Variants in CYP4X1 observed in about 807,000 individuals in gnomAD.
The protein encoded by CYP4X1 is cytochrome P450 family 4 subfamily X member 1, also known as cytochrome P450 4X1.
CYP4X1 carries 44 observed loss-of-function variants against 57.9 expected under a neutral mutation model. That is an observed-to-expected ratio of 0.76 (90% CI 0.60 to 0.98). The LOEUF (loss-of-function observed/expected upper bound fraction) is 0.98, where lower values mean the gene tolerates loss of function less well. Among genes scored for constraint, CYP4X1 ranks in the 50% least tolerant of loss-of-function variants. The probability of loss-of-function intolerance (pLI) is 0.00; values close to 1 mark genes in which losing one functional copy is unlikely to be tolerated. For synonymous variants in CYP4X1, 227 were observed against 228.6 expected, an observed-to-expected ratio of 0.99 and a Z score of 0.06; for missense variants, 532 against 623.9, an observed-to-expected ratio of 0.85 and a Z score of 1.57.
chr1:47,006,870 C>T, the CYP4X1 span, among the ~76,000 whole-genome samples: 151 of 152,302 alleles, frequency 9.9e-4, 1 homozygote, highest in Non-Finnish European at 1.6e-3. Context: ...AAGGCGGCAG[C>T]GAGGCTGGGG....
chr1:47,041,748 T>G (rs72681988), intron 8 of CYP4X1, among the ~76,000 whole-genome samples: 386 of 149,620 alleles, frequency 2.6e-3, no homozygotes, highest in Non-Finnish European at 4.2e-3. Flanking sequence ...ACTATGTTGA[T>G]TGTTTCCTTT....
chr1:47,009,887 A>C, the CYP4X1 span, among the ~76,000 whole-genome samples: 16 of 152,328 alleles, frequency 1.1e-4, no homozygotes, highest in Admixed American at 4.6e-4. Flanking sequence ...TGAATAGACC[A>C]ATAACAGGCT....
At chr1:46,972,689 T>C in the CYP4X1 span, among the ~76,000 whole-genome samples, 1 of 152,266 alleles carries the variant, frequency 6.6e-6, no homozygotes, top group South Asian at 2.1e-4. Context: ...TTTATTCTTT[T>C]TGTGGCTATT....
the CYP4X1 span, among the ~76,000 whole-genome samples, chr1:46,965,265 C>T: frequency 1.3e-5 from 2 of 152,174 alleles, no homozygotes; most frequent in African/African-American, 4.8e-5. Context: ...CTTTCCTGCA[C>T]CCACTGTCTG....
At chr1:47,041,801 A>G (rs922949512) in intron 8 of CYP4X1, among the ~76,000 whole-genome samples, 4 of 151,716 alleles carry the variant, frequency 2.6e-5, no homozygotes, top group African/African-American at 9.7e-5. Context: ...CCATTTATCT[A>G]TTTTTTCTTC....
chr1:46,987,389 T>C, the CYP4X1 span, among the ~76,000 whole-genome samples: 862 of 152,158 alleles, frequency 5.7e-3, 10 homozygotes, highest in African/African-American at 0.02. Flanking sequence ...TAAAGCAAGT[T>C]CTTAGAGACC....
the CYP4X1 span, among the ~76,000 whole-genome samples, chr1:47,005,597 G>C: frequency 6.6e-6 from 1 of 152,132 alleles, no homozygotes; most frequent in African/African-American, 2.4e-5. Flanking sequence ...ATTGTTATAT[G>C]TTGTGACTAG....
chr1:46,969,274 C>T, the CYP4X1 span, among the ~76,000 whole-genome samples: 85 of 152,298 alleles, frequency 5.6e-4, no homozygotes, highest in African/African-American at 1.9e-3. Context: ...AGGCCCTCAC[C>T]AGAAGCAAAT....
chr1:46,961,522 A>G, the CYP4X1 span: 3 of 1,186,958 alleles, frequency 2.5e-6, no homozygotes, highest in Non-Finnish European at 3.2e-6. Flanking sequence ...AGCTGTGTGT[A>G]GCCACAGGGG....
At chr1:47,005,254 T>C in the CYP4X1 span, among the ~76,000 whole-genome samples, 1 of 152,186 alleles carries the variant, frequency 6.6e-6, no homozygotes, top group African/African-American at 2.4e-5. Context: ...ATCTAGAGTT[T>C]ACCATTGAAT....
the CYP4X1 span, among the ~76,000 whole-genome samples, chr1:46,980,470 A>G: frequency 6.6e-6 from 1 of 152,352 alleles, no homozygotes; most frequent in Admixed American, 6.5e-5. Context: ...GCTCAATGAA[A>G]TAAAAGAGGA....
the CYP4X1 span, among the ~76,000 whole-genome samples, chr1:46,969,384 CA>C: frequency 6.6e-6 from 1 of 152,138 alleles, no homozygotes; most frequent in Non-Finnish European, 1.5e-5. Context: ...TATAGCAATG[CA>C]AGAGTGGTCT....
chr1:47,025,641 A>G (rs1453281073), intron 1 of CYP4X1, among the ~76,000 whole-genome samples: 2 of 152,098 alleles, frequency 1.3e-5, no homozygotes, highest in Non-Finnish European at 2.9e-5. Flanking sequence ...CCACCCCCAC[A>G]GTATTGTTAA....
At chr1:47,033,851 C>A (rs1190338450) in intron 4 of CYP4X1, among the ~76,000 whole-genome samples, 1 of 152,158 alleles carries the variant, frequency 6.6e-6, no homozygotes, top group African/African-American at 2.4e-5. Context: ...AATTATAGAC[C>A]ATGGGGAGGG....
the CYP4X1 span, among the ~76,000 whole-genome samples, chr1:46,976,500 G>A: frequency 6.6e-6 from 1 of 152,170 alleles, no homozygotes; most frequent in African/African-American, 2.4e-5. Context: ...TGCCTCTGTA[G>A]ACTCCACCTC....
the CYP4X1 span, among the ~76,000 whole-genome samples, chr1:46,967,172 A>G: frequency 1.3e-5 from 2 of 152,248 alleles, no homozygotes; most frequent in African/African-American, 4.8e-5. Context: ...TTCAATCACT[A>G]ATAGGCCTGT....
Position 47,039,341 on chromosome 1 carries a change from G to A in CYP4X1, c.883-1G>A. 1.3e-6 allele frequency: 2 copies of A among 1,586,380 alleles called. No individual in the cohort carries two copies. The highest frequency in any genetic ancestry group is 2.3e-5 in the East Asian group (1 of 43,856). ...TAAAATATTTGTATTGTACTTTCTA[G>A]GATGAAAGTGGTAGCAGCTTCTCAG... On this transcript the variant is annotated splice_acceptor_variant, in intron 7 of 11. Coordinates refer to ENST00000371901, the MANE Select transcript of CYP4X1 (RefSeq NM_178033.2). LOFTEE classifies it high-confidence loss of function.
chr1:46,961,471 C>A, the CYP4X1 span: 1 of 1,013,376 alleles, frequency 9.9e-7, no homozygotes, highest in Non-Finnish European at 1.3e-6. Flanking sequence ...TGGTTTGAAC[C>A]GTTCACTGGC....
At chr1:47,054,795 T>C (rs370040470), downstream of CYP4X1, among the ~76,000 whole-genome samples, 28 of 152,154 alleles carry the variant, frequency 1.8e-4, no homozygotes, top group Non-Finnish European at 3.5e-4. Context: ...GCTGAAGTTG[T>C]TTATCAGCTT....
Sources: gnomAD v4.1 joint callset for allele counts (sites outside exome capture counted in the v4.1 genomes callset) on GRCh38, gnomAD v4.1.1 for gene constraint, MANE v1.5 for transcripts, NCBI Gene and HGNC (gene_info 2026-07-23, HGNC 2026-07-21) for gene names.